The following EHBP1 variants were observed in gnomAD, a reference collection of about 807,000 sequenced individuals.
EHBP1 encodes the protein EH domain-binding protein 1.
In EHBP1, 55 loss-of-function variants were observed where a neutral mutation model predicts 144.0. The observed-to-expected ratio is 0.38, with a 90% CI of 0.31 to 0.48. The LOEUF is 0.48. EHBP1 is among the 20% of genes least tolerant of loss of function. The probability of loss-of-function intolerance (pLI) is 0.98; values close to 1 mark genes in which losing one functional copy is unlikely to be tolerated. For synonymous variants in EHBP1, 469 were observed against 472.7 expected, an observed-to-expected ratio of 0.99 and a Z score of 0.10; for missense variants, 1,200 against 1,364.2, an observed-to-expected ratio of 0.88 and a Z score of 1.90.
rs2034650437 is a variant in EHBP1 at position 62,706,931 on chromosome 2, G to A, written c.-261G>A. The A allele has an allele frequency of 7.6e-6, 3 of 392,782 alleles. No homozygotes were observed. The highest frequency in any genetic ancestry group is 3.3e-5 in the South Asian group (1 of 29,926). The allele number at this position is 392,782 out of a possible 1,614,324, so 24.3% of individuals were successfully genotyped here. ...ATACCCATCATATAGCCCCTGAGGT[G>A]GCATGGTGATGTCTCCATGAGGGAA... On this transcript the variant is annotated 5_prime_UTR_variant, in exon 2 of 23. Coordinates refer to ENST00000431489, the MANE Select transcript of EHBP1 (RefSeq NM_001142616.3).
Position 62,687,722 on chromosome 2 carries a change from C to T in EHBP1, c.-296+13639C>T, listed in dbSNP as rs1043033513. On this transcript the variant is annotated intron_variant, in intron 1 of 22. Transcript: ENST00000405015. ...GAAATGGTTTGTAAGGGTTCCAATA[C>T]AAAGAAAAAAGATATTCCTTTAAAG... Among the ~76,000 whole-genome samples the T allele has an allele frequency of 3.3e-5, 5 of 152,050 alleles. No homozygotes were observed. The South Asian group carries it at 6.2e-4, about 19-fold the overall frequency.
intron 2 of EHBP1, among the ~76,000 whole-genome samples, chr2:62,716,942 T>C (rs1166662137): frequency 3.9e-5 from 6 of 152,214 alleles, no homozygotes; most frequent in South Asian, 2.1e-4. Context: ...TTTTTCATTA[T>C]CTTTTGTAGC....
chr2:62,965,072 T>C (rs540768485), intron 14 of EHBP1: 3 of 152,770 alleles, frequency 2.0e-5, no homozygotes, highest in Non-Finnish European at 4.4e-5. Flanking sequence ...ACGTTATGAT[T>C]AGTTTAATTG....
At position 62,790,673 on chromosome 2, in the gene EHBP1, A is replaced by G. The variant is rs1198919468; in HGVS notation, c.312+19281A>G. On this transcript the variant is annotated intron_variant, in intron 5 of 22. Coordinates refer to ENST00000431489, the MANE Select transcript of EHBP1 (RefSeq NM_001142616.3). ...CGGTATAACAGAACTCCATTTGAAA[A>G]GTAAGGTCTAAAATATTTTTGTGTA... 8.5e-5 allele frequency among the ~76,000 whole-genome samples: 13 copies of G among 152,286 alleles called. No individual in the cohort carries two copies. In the East Asian group the frequency reaches 2.1e-3, roughly 25 times the overall value.
chr2:62,888,974 G>C (rs2052184982), intron 10 of EHBP1, among the ~76,000 whole-genome samples: 1 of 150,390 alleles, frequency 6.6e-6, no homozygotes, highest in Non-Finnish European at 1.5e-5. Flanking sequence ...CTAACTCCTG[G>C]AGGCATGCAA....
At chr2:62,874,648 T>C (rs905980102) in intron 10 of EHBP1, 116 bp downstream of exon 10, 23 of 860,662 alleles carry the variant, frequency 2.7e-5, no homozygotes, top group Non-Finnish European at 3.9e-5. Flanking sequence ...AAAAATAATA[T>C]CCAAGACAAT....
At chr2:62,674,192 ATG>A (rs914597678) in intron 1 of EHBP1, 1 of 464,046 alleles carries the variant, frequency 2.2e-6, no homozygotes, top group African/African-American at 2.0e-5. Context: ...CTAGATTTTC[ATG>A]TGTGTGTATG....
At chr2:62,795,626 A>T (rs114475144) in intron 5 of EHBP1, among the ~76,000 whole-genome samples, 1 of 151,818 alleles carries the variant, frequency 6.6e-6, no homozygotes, top group South Asian at 2.1e-4. Flanking sequence ...ATTCCTTTCC[A>T]TTTTTTCCCT....
At chr2:62,733,217 A>G (rs1290664255) in intron 2 of EHBP1, among the ~76,000 whole-genome samples, 1 of 152,182 alleles carries the variant, frequency 6.6e-6, no homozygotes, top group East Asian at 1.9e-4. Context: ...CCTTTTTAGT[A>G]AAAGGTTTTC....
rs530142441 is a variant in EHBP1, at chr2:62,936,768, G to A, written c.1186-5950G>A. ...TTTTACCATGAGAATAAAGTGAAGT[G>A]ATTTAAATGAAAACACTTTGAAAAA... On this transcript the variant is annotated intron_variant, in intron 10 of 22. Coordinates refer to ENST00000431489, the MANE Select transcript of EHBP1 (RefSeq NM_001142616.3). 5.5e-4 allele frequency among the ~76,000 whole-genome samples: 83 copies of A among 152,062 alleles called. 1 individual carries two copies. The highest frequency in any genetic ancestry group is 1.9e-3 in the African/African-American group (77 of 41,504).
At chr2:62,685,663 A>G (rs2033693966) in intron 1 of EHBP1, among the ~76,000 whole-genome samples, 1 of 152,176 alleles carries the variant, frequency 6.6e-6, no homozygotes, top group East Asian at 1.9e-4. Context: ...TGATGGGTGG[A>G]GCACAATTCA....
rs767892307 is a variant in EHBP1 at position 62,990,796 on chromosome 2, G to A, written c.2689G>A (p.Ala897Thr). The change falls in exon 16 of 23, where the codon GCT becomes ACT. Residue 897 changes from alanine to threonine, a missense_variant. This residue lies in a region of EHBP1 where 543 missense variants were observed against 513.1 expected (regional missense o/e 1.06). Transcript: ENST00000431489. Reference protein sequence around the residue: ...QPQVANSPSSAAQKAVTESSE... With the variant: ...QPQVANSPSSTAQKAVTESSE... ...ACAGGTGGCAAATTCACCCTCCAGTGCTGCCCAGAAAGCTGTAACTGAGAG... is the reference window on the plus strand; with the variant it reads ...ACAGGTGGCAAATTCACCCTCCAGTACTGCCCAGAAAGCTGTAACTGAGAG... The A allele has an allele frequency of 1.2e-6, 2 of 1,613,842 alleles. No individual in the cohort carries two copies. The highest frequency in any genetic ancestry group is 2.2e-5 in the East Asian group (1 of 44,824).
chr2:62,927,457 C>T (rs745651595), intron 10 of EHBP1, among the ~76,000 whole-genome samples: 6 of 152,070 alleles, frequency 3.9e-5, no homozygotes, highest in Non-Finnish European at 8.8e-5. Flanking sequence ...AAAACATCAC[C>T]ATGTTCCCCT....
At chr2:62,675,768 A>G (rs2033264932) in intron 1 of EHBP1, among the ~76,000 whole-genome samples, 2 of 152,058 alleles carry the variant, frequency 1.3e-5, no homozygotes, top group African/African-American at 4.8e-5. Flanking sequence ...GGTTATTATT[A>G]TTGTTGTTAT....
intron 4 of EHBP1, among the ~76,000 whole-genome samples, chr2:62,769,912 C>T (rs565883448): frequency 9.9e-5 from 15 of 151,788 alleles, no homozygotes; most frequent in Admixed American, 2.0e-4. Context: ...CCAAAAAAAG[C>T]GATGAGGAAG....
chr2:62,906,313 T>C (rs1260756796), intron 10 of EHBP1, among the ~76,000 whole-genome samples: 1 of 152,228 alleles, frequency 6.6e-6, no homozygotes, highest in African/African-American at 2.4e-5. Flanking sequence ...GATCTGTTTG[T>C]CTATCTTTAC....
chr2:62,856,618 G>C (rs2049078375), intron 7 of EHBP1, among the ~76,000 whole-genome samples: 1 of 152,208 alleles, frequency 6.6e-6, no homozygotes, highest in African/African-American at 2.4e-5. Flanking sequence ...GGTGGAATGA[G>C]TCCAGCAGGC....
In EHBP1 at chr2:62,996,629, GTTC is replaced by G. The variant is rs762133576; in HGVS notation, c.2980-11_2980-9del. 21 of 1,610,892 alleles carry G rather than the reference GTTC, an allele frequency of 1.3e-5. No homozygotes were observed. The highest frequency in any genetic ancestry group is 3.3e-4 in the Middle Eastern group (2 of 6,050). Reference sequence around the variant, plus strand: ...AGTGATTTTTTTTTCCTTCCTGTTTGTTCTTGTTAACAGAAAGGGTTCAAAGAC... The same window carrying G: ...AGTGATTTTTTTTTCCTTCCTGTTTGTTGTTAACAGAAAGGGTTCAAAGAC... On this transcript the variant is annotated splice_polypyrimidine_tract_variant and intron_variant, in intron 18 of 22. Coordinates refer to ENST00000431489, the MANE Select transcript of EHBP1 (RefSeq NM_001142616.3).
At chr2:62,680,759 G>A (rs746918301) in intron 1 of EHBP1, among the ~76,000 whole-genome samples, 2 of 152,182 alleles carry the variant, frequency 1.3e-5, no homozygotes, top group Non-Finnish European at 2.9e-5. Flanking sequence ...AAGGACAGTA[G>A]CTATACAGAA....
Sources: allele counts gnomAD v4.1 joint callset (sites outside exome capture counted in the v4.1 genomes callset), GRCh38; gene constraint gnomAD v4.1.1; regional missense constraint gnomAD v4.1.1; transcripts MANE v1.5; gene names NCBI Gene and HGNC (gene_info 2026-07-23, HGNC 2026-07-21).